AFAP1L1: variants seen among roughly 807,000 people sequenced by gnomAD.
AFAP1L1 encodes the protein actin filament-associated protein 1-like 1.
Under a neutral mutation model 99.8 loss-of-function variants are expected in AFAP1L1, and 77 were observed. The observed-to-expected ratio is 0.77, with a 90% CI of 0.64 to 0.93. AFAP1L1 has a LOEUF of 0.93. AFAP1L1 is among the 40% of genes least tolerant of loss of function. The probability of loss-of-function intolerance (pLI) is 0.00; values close to 1 mark genes in which losing one functional copy is unlikely to be tolerated. For missense variants in AFAP1L1, 893 were observed against 996.8 expected (o/e 0.90, Z 1.40); for synonymous variants, 373 against 395.3 (o/e 0.94, Z 0.67).
Position 149,305,787 on chromosome 5 carries a change from G to T in AFAP1L1, c.437-519G>T, listed in dbSNP as rs184168444. 1.1e-4 allele frequency among the ~76,000 whole-genome samples: 17 copies of T among 152,180 alleles called. No homozygotes were observed. The East Asian group carries it at 3.3e-3, about 29-fold the overall frequency. ...AAGAGGAAGGGCTGAGGTGGAAAAA[G>T]ATGAGAAGGCAGAGCAGGGAGGGAG... is the stretch of plus-strand genomic sequence containing the variant. On this transcript the variant is annotated intron_variant, in intron 5 of 18. Transcript: ENST00000296721.
At chr5:149,278,971 A>T (rs1436848953) in intron 1 of AFAP1L1, among the ~76,000 whole-genome samples, 1 of 151,946 alleles carries the variant, frequency 6.6e-6, no homozygotes. Flanking sequence ...GTTCCTCATG[A>T]CCTCCTGCCT....
chr5:149,335,459 G>T, intron 17 of AFAP1L1, 135 bp from the exon 18 acceptor site: 1 of 1,224,004 alleles, frequency 8.2e-7, no homozygotes, highest in South Asian at 1.6e-5. Flanking sequence ...CTGCGCTCCC[G>T]CCTGGGTGAC....
chr5:149,321,301 G>A (rs747431192), intron 14 of AFAP1L1, among the ~76,000 whole-genome samples: 6 of 152,220 alleles, frequency 3.9e-5, no homozygotes, highest in African/African-American at 7.2e-5. Flanking sequence ...TGGCAAGACA[G>A]CTTAGCACTT....
At chr5:149,295,625 G>A (rs780684726) in intron 1 of AFAP1L1, among the ~76,000 whole-genome samples, 1 of 151,784 alleles carries the variant, frequency 6.6e-6, no homozygotes, top group Non-Finnish European at 1.5e-5. Flanking sequence ...GAGGAAGGGA[G>A]GGAAGTGGGG....
At chr5:149,319,880 C>A (rs188821449) in intron 13 of AFAP1L1, among the ~76,000 whole-genome samples, 153 bp downstream of exon 13, 1 of 152,194 alleles carries the variant, frequency 6.6e-6, no homozygotes, top group Non-Finnish European at 1.5e-5. Flanking sequence ...TCTTCCTCTT[C>A]CAGCAAAGAG....
rs144414154 is a variant in AFAP1L1 at position 149,285,028 on chromosome 5, A to G, written c.16+13044A>G. Among the ~76,000 whole-genome samples the G allele has an allele frequency of 1.8e-3, 272 of 152,318 alleles. 1 individual carries two copies. The highest frequency in any genetic ancestry group is 5.9e-3 in the African/African-American group (246 of 41,560). ...TTCAAAACTCAAAACATCCATTTCC[A>G]TGACTTTTGATCAACGTTTTCTTGG... On this transcript the variant is annotated intron_variant, in intron 1 of 18. Transcript: ENST00000296721.
rs536273057 is a variant in AFAP1L1, at chr5:149,335,414, G to A, written c.2155-180G>A. Among the ~76,000 whole-genome samples the A allele has an allele frequency of 2.0e-5, 3 of 152,324 alleles. No homozygotes were observed. The South Asian group carries it at 6.2e-4, about 32-fold the overall frequency. Reference sequence around the variant, plus strand: ...GAGGTATAAGAATCGCTTGAACCCAGGAGGCAGAGGTTGCAGTGAGCCAAG... The same window carrying A: ...GAGGTATAAGAATCGCTTGAACCCAAGAGGCAGAGGTTGCAGTGAGCCAAG... On this transcript the variant is annotated intron_variant, in intron 17 of 18. Transcript: ENST00000296721.
intron 1 of AFAP1L1, among the ~76,000 whole-genome samples, chr5:149,288,481 C>T (rs1014419516): frequency 1.3e-5 from 2 of 152,228 alleles, no homozygotes; most frequent in Admixed American, 1.3e-4. Flanking sequence ...CTTTTACCAT[C>T]AGGCATCCCA....
At chr5:149,339,443 C>T (rs750293028) in intron 18 of AFAP1L1, among the ~76,000 whole-genome samples, 2 of 152,148 alleles carry the variant, frequency 1.3e-5, no homozygotes, top group Non-Finnish European at 2.9e-5. Context: ...CCGCCCACCT[C>T]GGCCTCCCAA....
At chr5:149,339,494 A>G (rs1296382634) in intron 18 of AFAP1L1, among the ~76,000 whole-genome samples, 1 of 152,180 alleles carries the variant, frequency 6.6e-6, no homozygotes, top group African/African-American at 2.4e-5. Context: ...ACCTAGCCCA[A>G]TAAAACTTAT....
chr5:149,325,347 G>T (rs909141342), intron 15 of AFAP1L1, among the ~76,000 whole-genome samples: 2 of 152,266 alleles, frequency 1.3e-5, no homozygotes, highest in South Asian at 4.2e-4. Flanking sequence ...CCAGTCAAGG[G>T]CTACAGTATC....
intron 7 of AFAP1L1, among the ~76,000 whole-genome samples, chr5:149,308,801 A>G (rs1228472061): frequency 1.3e-5 from 2 of 152,142 alleles, no homozygotes; most frequent in Admixed American, 1.3e-4. Context: ...TCAAAAGGGA[A>G]GTCACTGTTA....
intron 11 of AFAP1L1, 74 bp from the exon 12 acceptor site, chr5:149,317,655 C>T: frequency 2.0e-6 from 3 of 1,523,108 alleles, no homozygotes; most frequent in Non-Finnish European, 2.7e-6. Flanking sequence ...TTCCAGCAGA[C>T]ACATGGAGCC....
At chr5:149,307,817 T>TG (rs1491364762) in intron 7 of AFAP1L1, among the ~76,000 whole-genome samples, 3 of 143,700 alleles carry the variant, frequency 2.1e-5, no homozygotes, top group Admixed American at 7.1e-5. Context: ...TGTGCCTCTC[T>TG]TTCTCTCTCT....
Position 149,317,891 on chromosome 5 carries a change from C to T in AFAP1L1, c.1430C>T (p.Pro477Leu). ...GCCCCGGGCTTTGGGCCCCGACACC[C>T]ATTTGCCTTCAGGATCCTGCGCAAC... Reference protein sequence around the residue: ...EVAPGFGPRHPFAFRILRNRQ... With the variant: ...EVAPGFGPRHLFAFRILRNRQ... Residue 477 changes from proline to leucine, a missense_variant, in exon 12 of 19, where the codon CCA (proline) becomes CTA (leucine). By Grantham distance (98) the Pro-to-Leu change is moderately conservative. Coordinates refer to ENST00000296721, the MANE Select transcript of AFAP1L1 (RefSeq NM_152406.4). The T allele has an allele frequency of 6.3e-7, 1 of 1,595,494 alleles. No individual in the cohort carries two copies.
chr5:149,300,126 T>C (rs952590267), intron 2 of AFAP1L1, 145 bp from the exon 3 acceptor site: 3 of 596,322 alleles, frequency 5.0e-6, no homozygotes, highest in Non-Finnish European at 5.9e-6. Flanking sequence ...TAAAACAAAG[T>C]TTGAAAACCA....
At chr5:149,308,870 G>A (rs1021587856) in intron 7 of AFAP1L1, among the ~76,000 whole-genome samples, 1 of 151,812 alleles carries the variant, frequency 6.6e-6, no homozygotes, top group African/African-American at 2.4e-5. Context: ...TGAGGCAGGA[G>A]GATCACTTGA....
rs529726739 is a variant in AFAP1L1 at position 149,310,672 on chromosome 5, A to G, written c.927+537A>G. Among the ~76,000 whole-genome samples the G allele has an allele frequency of 2.0e-5, 3 of 152,256 alleles. No homozygotes were observed. The South Asian group carries it at 6.2e-4, about 32-fold the overall frequency. On this transcript the variant is annotated intron_variant, in intron 8 of 18. Coordinates refer to ENST00000296721, the MANE Select transcript of AFAP1L1 (RefSeq NM_152406.4). ...TTTCTGCTTGAAAATGGGACAAAAT[A>G]TTATTGTTCCCATTTCGCAGATGAG...
intron 12 of AFAP1L1, among the ~76,000 whole-genome samples, chr5:149,318,368 C>T (rs1187909025): frequency 6.6e-6 from 1 of 152,208 alleles, no homozygotes; most frequent in African/African-American, 2.4e-5. Flanking sequence ...TCTAACCATT[C>T]AGATTCTGGA....
Sources: allele counts gnomAD v4.1 joint callset (sites outside exome capture counted in the v4.1 genomes callset), GRCh38; gene constraint gnomAD v4.1.1; transcripts MANE v1.5; gene names NCBI Gene and HGNC (gene_info 2026-07-23, HGNC 2026-07-21).